Variants in BRI3BP observed in about 807,000 individuals in gnomAD.
The protein encoded by BRI3BP is BRI3-binding protein.
Under a neutral mutation model 15.8 loss-of-function variants are expected in BRI3BP, and 7 were observed. The observed-to-expected ratio is 0.44, with a 90% CI of 0.25 to 0.83. The LOEUF (loss-of-function observed/expected upper bound fraction) is 0.83, where lower values mean the gene tolerates loss of function less well. Among genes scored for constraint, BRI3BP ranks in the 40% least tolerant of loss-of-function variants. BRI3BP has a pLI of 0.20. For synonymous variants in BRI3BP, 192 were observed against 163.5 expected, an observed-to-expected ratio of 1.17 and a Z score of -1.33; for missense variants, 320 against 339.3, an observed-to-expected ratio of 0.94 and a Z score of 0.45.
At chr12:125,016,202 C>T (rs1029960792) in intron 2 of BRI3BP, among the ~76,000 whole-genome samples, 4 of 152,114 alleles carry the variant, frequency 2.6e-5, no homozygotes, top group Non-Finnish European at 2.9e-5. Context: ...CTGTTTGATG[C>T]GTAAGCTTCA....
chr12:125,001,208 T>C (rs1955088320), intron 1 of BRI3BP, among the ~76,000 whole-genome samples: 1 of 151,334 alleles, frequency 6.6e-6, no homozygotes, highest in African/African-American at 2.4e-5. Context: ...GTGCCCGCCA[T>C]CACGCCCGGC....
At chr12:125,041,211 A>G in the BRI3BP span, among the ~76,000 whole-genome samples, 15 of 151,198 alleles carry the variant, frequency 9.9e-5, no homozygotes, top group African/African-American at 3.7e-4. Flanking sequence ...ACGCCTGGCT[A>G]ATTTGTGTGT....
chr12:125,043,899 C>G, the BRI3BP span, among the ~76,000 whole-genome samples: 1 of 151,870 alleles, frequency 6.6e-6, no homozygotes, highest in African/African-American at 2.4e-5. Context: ...ATGGTGCACA[C>G]CTGTGGTCCC....
In BRI3BP at chr12:125,025,259, C is replaced by T; in HGVS notation, c.585C>T (p.Tyr195=). 2 of 1,614,158 alleles carry T rather than the reference C, an allele frequency of 1.2e-6. No individual in the cohort carries two copies. Among genetic ancestry groups the T allele is most frequent in the Middle Eastern group, 1.6e-4 (1 of 6,062 alleles). ...CGCTGTGCTTCGTGGTGGCCGTCTA[C>T]TTCATGACCGGGCCCATGGGCTTCT... ...VLPLCFVVAV[Y]FMTGPMGFYW... is the part of the protein sequence containing the mutation. The change falls in exon 3 of 3, where the codon TAC becomes TAT. Residue 195 remains tyrosine, a synonymous_variant. Transcript: ENST00000341446.
rs137891643 is a variant in BRI3BP, at chr12:125,028,660, A to C, written c.*3230A>C. 1.1e-3 allele frequency: 174 copies of C among 152,298 alleles called. No individual in the cohort carries two copies. Among genetic ancestry groups the C allele is most frequent in the African/African-American group, 4.0e-3 (166 of 41,564 alleles). 9.4% of individuals were successfully genotyped at this position (152,298 alleles called of 1,614,324 possible). ...GAAATTCTGATTATTTGAAACTCTG[A>C]TAGAAATCCTAGATGCTAGATTTGA... is the stretch of plus-strand genomic sequence containing the variant. On this transcript the variant is annotated 3_prime_UTR_variant, in exon 3 of 3. Coordinates refer to ENST00000341446, the MANE Select transcript of BRI3BP (RefSeq NM_080626.6).
the BRI3BP span, among the ~76,000 whole-genome samples, chr12:125,049,601 A>G: frequency 6.6e-6 from 1 of 152,160 alleles, no homozygotes; most frequent in Non-Finnish European, 1.5e-5. Context: ...AGCGCCCGGC[A>G]CTGGCCTTGG....
rs572826997 is a variant in BRI3BP at position 125,025,517 on chromosome 12, A to G, written c.*87A>G. The G allele has an allele frequency of 4.5e-5, 57 of 1,279,256 alleles. No homozygotes were observed. The highest frequency in any genetic ancestry group is 2.3e-4 in the Admixed American group (8 of 35,344). 79.2% of individuals were successfully genotyped at this position (1,279,256 alleles called of 1,614,324 possible). The stretch of plus-strand genomic sequence containing the variant: ...GGAAAAAAACCCCAAACCCCAAACA[A>G]TCTTAATAAACACGACTGAGCAAGA... On this transcript the variant is annotated 3_prime_UTR_variant, in exon 3 of 3. Coordinates refer to ENST00000341446, the MANE Select transcript of BRI3BP (RefSeq NM_080626.6).
the BRI3BP span, among the ~76,000 whole-genome samples, chr12:125,037,436 A>G: frequency 6.1e-4 from 93 of 152,218 alleles, no homozygotes; most frequent in Non-Finnish European, 1.2e-3. Flanking sequence ...TAATTTAGGC[A>G]TAGCTATAGT....
chr12:125,022,028 C>T (rs1175165222), intron 2 of BRI3BP, among the ~76,000 whole-genome samples: 4 of 146,998 alleles, frequency 2.7e-5, no homozygotes, highest in African/African-American at 1.0e-4. Context: ...TGCAGTGAGC[C>T]GAGATCACAC....
At chr12:125,042,647 G>A in the BRI3BP span, among the ~76,000 whole-genome samples, 1 of 151,946 alleles carries the variant, frequency 6.6e-6, no homozygotes, top group Non-Finnish European at 1.5e-5. Flanking sequence ...CGATTCTCCT[G>A]CCTCAGCCTC....
Position 125,029,962 on chromosome 12 carries a change from G to C in BRI3BP, c.*4532G>C, listed in dbSNP as rs375579804. 2 of 152,234 alleles carry C rather than the reference G, an allele frequency of 1.3e-5. No individual in the cohort carries two copies. The highest frequency in any genetic ancestry group is 3.9e-4 in the East Asian group (2 of 5,192). 9.4% of individuals were successfully genotyped at this position (152,234 alleles called of 1,614,324 possible). ...TATAATATGACTTTGTGCATGCCCG[G>C]GAGGGCTGCCTTGTAGAGAGGATGT... On this transcript the variant is annotated 3_prime_UTR_variant, in exon 3 of 3. Transcript: ENST00000341446.
At chr12:125,042,221 G>A in the BRI3BP span, among the ~76,000 whole-genome samples, 1 of 152,086 alleles carries the variant, frequency 6.6e-6, no homozygotes, top group Non-Finnish European at 1.5e-5. Flanking sequence ...TGTGTCTTGG[G>A]GGTTTTGTGT....
chr12:125,019,660 C>CTTTTT lies in BRI3BP; in HGVS notation c.317-5329_317-5325dup, dbSNP rs1955278838. Among the ~76,000 whole-genome samples, 44 of 24,700 alleles carry CTTTTT rather than the reference C, an allele frequency of 1.8e-3. 2 individuals are homozygous for CTTTTT. Among genetic ancestry groups the CTTTTT allele is most frequent in the Non-Finnish European group, 2.4e-3 (27 of 11,288 alleles). 16.2% of individuals were successfully genotyped at this position (24,700 alleles called of 152,430 possible). On this transcript the variant is annotated intron_variant, in intron 2 of 2. Coordinates refer to ENST00000341446, the MANE Select transcript of BRI3BP (RefSeq NM_080626.6). Reference sequence around the variant, plus strand: ...CTTTTTTTTTTTTTTTTTTTTTTGCCTTTTTTGCTGTGAGTACTTGAAAAT... The same window carrying CTTTTT: ...CTTTTTTTTTTTTTTTTTTTTTTGCCTTTTTTTTTTTGCTGTGAGTACTTGAAAAT...
chr12:125,031,885 C>T (rs1955408771), downstream of BRI3BP, among the ~76,000 whole-genome samples: 1 of 152,068 alleles, frequency 6.6e-6, no homozygotes, highest in Non-Finnish European at 1.5e-5. Flanking sequence ...GTATAATTTA[C>T]CTTGACCAAG....
chr12:124,994,090 C>A, intron 1 of BRI3BP, 87 bp downstream of exon 1: 1 of 915,262 alleles, frequency 1.1e-6, no homozygotes, highest in Non-Finnish European at 1.4e-6. Context: ...AGCGCGGCCT[C>A]CGGGGCTGCC....
chr12:125,046,317 G>T, the BRI3BP span, among the ~76,000 whole-genome samples: 265 of 152,316 alleles, frequency 1.7e-3, no homozygotes, highest in Middle Eastern at 0.024. Context: ...ACTTTGGGAG[G>T]CCTAGGTGGG....
At chr12:125,021,443 C>A (rs1433619953) in intron 2 of BRI3BP, among the ~76,000 whole-genome samples, 2 of 152,122 alleles carry the variant, frequency 1.3e-5, no homozygotes, top group African/African-American at 4.8e-5. Context: ...TGCCTCACAC[C>A]TATAATCCCA....
chr12:125,003,030 A>G lies in BRI3BP; in HGVS notation c.213+9027A>G, dbSNP rs568034597. Among the ~76,000 whole-genome samples, 4 of 152,198 alleles carry G rather than the reference A, an allele frequency of 2.6e-5. No individual in the cohort carries two copies. In the South Asian group the frequency reaches 8.3e-4, roughly 32 times the overall value. On this transcript the variant is annotated intron_variant, in intron 1 of 2. Transcript: ENST00000341446. ...GTGGTTCATACGTGGTCTGTATGTTATGTTCCAGCATTTTCCGTTCATCTG... is the reference window on the plus strand; with the variant it reads ...GTGGTTCATACGTGGTCTGTATGTTGTGTTCCAGCATTTTCCGTTCATCTG...
At chr12:125,007,752 CTATT>C (rs1490542779) in intron 1 of BRI3BP, among the ~76,000 whole-genome samples, 3 of 151,692 alleles carry the variant, frequency 2.0e-5, no homozygotes, top group Non-Finnish European at 2.9e-5. Context: ...ATTCTGTAAT[CTATT>C]TATTTACTCA....
Sources: gnomAD v4.1 joint callset for allele counts (sites outside exome capture counted in the v4.1 genomes callset) on GRCh38, gnomAD v4.1.1 for gene constraint, MANE v1.5 for transcripts, NCBI Gene and HGNC (gene_info 2026-07-23, HGNC 2026-07-21) for gene names.